Variants in SP140 observed in about 807,000 individuals in gnomAD.
SP140 encodes the protein nuclear body protein SP140.
A neutral mutation model predicts 125.0 loss-of-function variants in SP140; 81 were observed. That is an observed-to-expected ratio of 0.65 (90% CI 0.54 to 0.78). The LOEUF (loss-of-function observed/expected upper bound fraction) is 0.78, where lower values mean the gene tolerates loss of function less well. SP140 is among the 30% of genes least tolerant of loss of function. The pLI, the probability that SP140 is intolerant of heterozygous loss-of-function variation, is 0.00. For missense variants in SP140, 858 were observed against 1,037.0 expected (o/e 0.83, Z 2.37); for synonymous variants, 312 against 354.0 (o/e 0.88, Z 1.33).
At chr2:230,193,784 G>A in the SP140 span, among the ~76,000 whole-genome samples, 58 of 152,310 alleles carry the variant, frequency 3.8e-4, 1 homozygote, top group African/African-American at 1.2e-3. Context: ...ATAGGTTTCA[G>A]GGGGAGGGCA....
chr2:230,270,230 C>A (rs1216417318), intron 14 of SP140, among the ~76,000 whole-genome samples: 1 of 152,202 alleles, frequency 6.6e-6, no homozygotes, highest in Non-Finnish European at 1.5e-5. Context: ...TACACCCAAT[C>A]TTCCATGAAG....
At chr2:230,297,796 G>A (rs1391298541) in intron 22 of SP140, among the ~76,000 whole-genome samples, 9 of 152,162 alleles carry the variant, frequency 5.9e-5, no homozygotes, top group African/African-American at 1.9e-4. Context: ...GTGATTAGGG[G>A]GAAGGAACAA....
At chr2:230,284,557 G>T (rs1018912078) in intron 16 of SP140, 146 bp downstream of exon 16, 37 of 625,646 alleles carry the variant, frequency 5.9e-5, no homozygotes, top group Non-Finnish European at 2.5e-6. Context: ...GTGACAAAGA[G>T]GCCTGAGAAT....
At chr2:230,212,870 C>G in intron 1 of SP140, 1 of 1,614,094 alleles carries the variant, frequency 6.2e-7, no homozygotes, top group Non-Finnish European at 8.5e-7. Context: ...ATGTTCCAGG[C>G]TCACTGACTC....
intron 15 of SP140, among the ~76,000 whole-genome samples, chr2:230,282,073 A>G (rs1206324522): frequency 6.6e-6 from 1 of 152,098 alleles, no homozygotes; most frequent in African/African-American, 2.4e-5. Context: ...TTATAAGGGG[A>G]CCAATAGCAA....
At chr2:230,298,609 T>C (rs187430083) in intron 22 of SP140, among the ~76,000 whole-genome samples, 8 of 152,304 alleles carry the variant, frequency 5.3e-5, no homozygotes, top group Admixed American at 1.3e-4. Context: ...AGCAAAGGTA[T>C]GGTCACCCCT....
chr2:230,302,463 G>C (rs1189082183), intron 22 of SP140, among the ~76,000 whole-genome samples: 3 of 152,064 alleles, frequency 2.0e-5, no homozygotes, highest in South Asian at 2.1e-4. Flanking sequence ...ATGATACTGG[G>C]GGACTTCAGT....
chr2:230,288,431 G>A (rs1241799413), intron 18 of SP140, among the ~76,000 whole-genome samples: 2 of 152,150 alleles, frequency 1.3e-5, no homozygotes, highest in Non-Finnish European at 2.9e-5. Context: ...CATCTGGAAA[G>A]CAAGAGCATG....
chr2:230,258,154 C>T (rs567982577), intron 12 of SP140, among the ~76,000 whole-genome samples: 1 of 152,242 alleles, frequency 6.6e-6, no homozygotes, highest in East Asian at 1.9e-4. Flanking sequence ...TTTCAATTAT[C>T]AGTTTCCCCT....
Position 230,238,371 on chromosome 2 carries a change from C to G in SP140, c.396C>G (p.Ser132Arg), listed in dbSNP as rs1407312783. 6.2e-7 allele frequency: 1 copy of G among 1,610,302 alleles called. No homozygotes were observed. The highest frequency in any genetic ancestry group is 2.2e-5 in the East Asian group (1 of 44,858). ...AYPDLNEIYRSFQNVCYEHSP... is the reference protein window; with the variant it reads ...AYPDLNEIYRRFQNVCYEHSP... The stretch of plus-strand genomic sequence containing the variant: ...CTGATTTAAACGAGATTTACAGAAG[C>G]TTCCAGAATGGTAACTATAGCTCTC... Residue 132 changes from serine to arginine, a missense_variant, in exon 3 of 27, where the codon AGC becomes AGG. Ser to Arg is a moderately radical substitution (Grantham distance 110, BLOSUM62 -1). Transcript: ENST00000392045.
At chr2:230,222,538 G>A (rs1408183848), upstream of SP140, among the ~76,000 whole-genome samples, 2 of 152,036 alleles carry the variant, frequency 1.3e-5, no homozygotes, top group Admixed American at 6.6e-5. Flanking sequence ...GGACAACAGA[G>A]CAAGACCTCG....
At chr2:230,198,196 G>A (rs1259627660), upstream of SP140, among the ~76,000 whole-genome samples, 3 of 152,142 alleles carry the variant, frequency 2.0e-5, no homozygotes, top group Non-Finnish European at 4.4e-5. Flanking sequence ...GCCTTCTGGC[G>A]CCTCCCTCTT....
intron 22 of SP140, among the ~76,000 whole-genome samples, chr2:230,297,985 A>G (rs568399207): frequency 6.6e-6 from 1 of 152,370 alleles, no homozygotes; most frequent in African/African-American, 2.4e-5. Flanking sequence ...GTAAAGGAGT[A>G]CATACAAGGC....
Position 230,269,612 on chromosome 2 carries a change from G to A in SP140, c.1321G>A (p.Val441Ile), listed in dbSNP as rs760634466. The A allele has an allele frequency of 2.0e-6, 3 of 1,530,150 alleles. No individual in the cohort carries two copies. Among genetic ancestry groups the A allele is most frequent in the Non-Finnish European group, 2.7e-6 (3 of 1,124,068 alleles). 94.8% of individuals were successfully genotyped at this position (1,530,150 alleles called of 1,614,324 possible). A position where few individuals can be genotyped will look rare whatever the true frequency, so the allele number is the denominator to read the frequency against. ...TGCTTCTAGCCTGCTATATGATAAT[G>A]TACCAGGTAATTATGACTTAAAAAT... ...ELASSLLYDN[V>I]PGAEQSAYEN... The change falls in exon 13 of 27, where the codon GTA becomes ATA. Residue 441 changes from valine (V) to isoleucine (I), a missense_variant. Val to Ile is a conservative substitution (Grantham distance 29). Around this residue, in one of 4 missense-constraint regions of SP140, gnomAD observed 791 missense variants for 869.5 expected, o/e 0.91. Coordinates refer to ENST00000392045, the MANE Select transcript of SP140 (RefSeq NM_007237.5).
chr2:230,261,152 C>T (rs1302138825), intron 12 of SP140, among the ~76,000 whole-genome samples: 1 of 152,042 alleles, frequency 6.6e-6, no homozygotes, highest in Admixed American at 6.6e-5. Context: ...AGAGGTCTTT[C>T]GACTCCCTGG....
chr2:230,315,672 G>A (rs1405528864), downstream of SP140, among the ~76,000 whole-genome samples: 1 of 152,094 alleles, frequency 6.6e-6, no homozygotes, highest in East Asian at 1.9e-4. Context: ...CTGAAACTGA[G>A]GTTTCATGGT....
chr2:230,204,390 G>A (rs547205401), intron 1 of SP140, among the ~76,000 whole-genome samples: 1 of 152,300 alleles, frequency 6.6e-6, no homozygotes, highest in African/African-American at 2.4e-5. Flanking sequence ...TGGCCACGGG[G>A]TGTGCAGAGT....
In SP140 at chr2:230,265,097, C is replaced by T. The variant is rs1324504196; in HGVS notation, c.1241-4435C>T. 2.6e-5 allele frequency among the ~76,000 whole-genome samples: 4 copies of T among 151,892 alleles called. No homozygotes were observed. The East Asian group carries it at 5.8e-4, about 22-fold the overall frequency. ...GAAGAGCCGTCAGGTGGGGGAGGGG[C>T]TAGGCATGTCTGAGCTAAGACTCTC... is the stretch of plus-strand genomic sequence containing the variant. On this transcript the variant is annotated intron_variant, in intron 12 of 26. Coordinates refer to ENST00000392045, the MANE Select transcript of SP140 (RefSeq NM_007237.5).
chr2:230,253,399 C>G lies in SP140; in HGVS notation c.1141C>G (p.Leu381Val). 1 of 1,604,576 alleles carries G rather than the reference C, an allele frequency of 6.2e-7. No individual in the cohort carries two copies. The change falls in exon 11 of 27, where the codon CTA (leucine) becomes GTA (valine). Residue 381 changes from leucine (L) to valine (V), a missense_variant. Physicochemically the swap from Leu to Val is conservative, Grantham distance 32. Transcript: ENST00000392045. ...AGAACCAGAGAAGGAGCTCAGTCTA[C>G]TACCAGGTGAAGGAGAAGGTAATTA... ...EGEPEKELSLLPGEGEEGSDD... is the reference protein window; with the variant it reads ...EGEPEKELSLVPGEGEEGSDD...
Sources: allele counts gnomAD v4.1 joint callset (sites outside exome capture counted in the v4.1 genomes callset), GRCh38; gene constraint gnomAD v4.1.1; regional missense constraint gnomAD v4.1.1; transcripts MANE v1.5; gene names NCBI Gene and HGNC (gene_info 2026-07-23, HGNC 2026-07-21).